MSN: variants seen among roughly 807,000 people sequenced by gnomAD.
MSN encodes the protein epididymis luminal protein 70.
A neutral mutation model predicts 48.0 loss-of-function variants in MSN; 2 were observed. The ratio of observed to expected loss-of-function variants is 0.04; its 90% CI spans 0.02 to 0.13. The LOEUF (loss-of-function observed/expected upper bound fraction) is 0.13. Ranked by LOEUF, MSN falls within the 10% of genes least tolerant of loss-of-function variation. The probability of loss-of-function intolerance (pLI) is 1.00; values close to 1 mark genes in which losing one functional copy is unlikely to be tolerated. For missense variants in MSN, 267 were observed against 470.1 expected (o/e 0.57, Z 3.99); for synonymous variants, 146 against 166.9 (o/e 0.87, Z 0.97).
chrX:65,679,413 A>G (rs768934043), intron 1 of MSN, among the ~76,000 whole-genome samples: 2 of 111,795 alleles, frequency 1.8e-5, no homozygotes, highest in South Asian at 7.5e-4. Flanking sequence ...ATTGTTGACT[A>G]TGTTGCCCTT....
intron 1 of MSN, among the ~76,000 whole-genome samples, chrX:65,671,233 C>G (rs1399353891): frequency 9.2e-6 from 1 of 108,800 alleles, no homozygotes; most frequent in Non-Finnish European, 1.9e-5. Context: ...AGTTGCAAAA[C>G]TAGGACTTGA....
chrX:65,627,548 G>C (rs1011153669), intron 1 of MSN, among the ~76,000 whole-genome samples: 20 of 110,668 alleles, frequency 1.8e-4, no homozygotes, highest in Admixed American at 4.8e-4. Flanking sequence ...GGAATGACCG[G>C]CCCCCATGAT....
chrX:65,677,154 G>A (rs1331193185), intron 1 of MSN, among the ~76,000 whole-genome samples: 1 of 111,326 alleles, frequency 9.0e-6, no homozygotes, highest in Non-Finnish European at 1.9e-5. Context: ...CAGATTCTCA[G>A]CCTGGATGTT....
At chrX:65,639,526 G>C (rs1363184875) in intron 1 of MSN, among the ~76,000 whole-genome samples, 1 of 112,001 alleles carries the variant, frequency 8.9e-6, no homozygotes, top group Non-Finnish European at 1.9e-5. Flanking sequence ...TTGGAGGTTT[G>C]CTGTCTGCCA....
At chrX:65,647,710 G>A (rs2070705290) in intron 1 of MSN, among the ~76,000 whole-genome samples, 1 of 112,305 alleles carries the variant, frequency 8.9e-6, no homozygotes, top group African/African-American at 3.2e-5. Context: ...ATTGGAGGAA[G>A]CATAACACAT....
At chrX:65,663,656 C>T (rs1279019680), upstream of MSN, among the ~76,000 whole-genome samples, 1 of 111,630 alleles carries the variant, frequency 9.0e-6, no homozygotes, top group Non-Finnish European at 1.9e-5. Flanking sequence ...GACACATGGA[C>T]TTGCATGTTC....
intron 1 of MSN, among the ~76,000 whole-genome samples, chrX:65,599,027 C>T (rs1165628959): frequency 9.0e-6 from 1 of 111,330 alleles, no homozygotes; most frequent in African/African-American, 3.3e-5. Flanking sequence ...TGGCTCACGC[C>T]GGTAATCCCG....
chrX:65,644,250 A>C (rs1279912676), intron 1 of MSN, among the ~76,000 whole-genome samples: 1 of 111,725 alleles, frequency 9.0e-6, no homozygotes, highest in African/African-American at 3.3e-5. Context: ...GCTTTCATAT[A>C]TTCTTTCCTT....
chrX:65,726,099 T>C (rs1037054205), intron 2 of MSN, among the ~76,000 whole-genome samples: 1 of 111,496 alleles, frequency 9.0e-6, no homozygotes, highest in Non-Finnish European at 1.9e-5. Flanking sequence ...GGTCGATGAC[T>C]TGGGGGACAT....
intron 1 of MSN, chrX:65,589,064 G>T (rs2070122069): frequency 7.6e-6 from 1 of 131,734 alleles, no homozygotes; most frequent in Non-Finnish European, 1.5e-5. Flanking sequence ...AGTTTCTCCA[G>T]TCAGGTACCT....
At chrX:65,704,712 T>C (rs2071343691) in intron 1 of MSN, among the ~76,000 whole-genome samples, 1 of 110,147 alleles carries the variant, frequency 9.1e-6, no homozygotes, top group Non-Finnish European at 1.9e-5. Flanking sequence ...TATCTACTGT[T>C]TTCTAAATGT....
intron 1 of MSN, among the ~76,000 whole-genome samples, chrX:65,648,889 T>TAAATA (rs1265871890): frequency 9.5e-6 from 1 of 105,223 alleles, no homozygotes; most frequent in Non-Finnish European, 1.9e-5. Flanking sequence ...TAAAATAAAA[T>TAAATA]AAATAAAATA....
chrX:65,632,333 C>T (rs2070565221), intron 1 of MSN, among the ~76,000 whole-genome samples: 1 of 111,669 alleles, frequency 9.0e-6, no homozygotes, highest in South Asian at 3.7e-4. Flanking sequence ...AGGCCCTTGC[C>T]GGATGCTAAC....
At chrX:65,593,777 A>G (rs1436222633) in intron 1 of MSN, among the ~76,000 whole-genome samples, 1 of 112,561 alleles carries the variant, frequency 8.9e-6, no homozygotes, top group African/African-American at 3.2e-5. Flanking sequence ...TCCTGACCTC[A>G]GGTGATCCAC....
chrX:65,688,205 T>A (rs2071135412), intron 1 of MSN, among the ~76,000 whole-genome samples: 1 of 111,974 alleles, frequency 8.9e-6, no homozygotes, highest in African/African-American at 3.2e-5. Context: ...ATTCATCAAC[T>A]CTCTACAGTT....
chrX:65,727,959 C>T, intron 3 of MSN, 50 bp downstream of exon 3: 1 of 1,092,483 alleles, frequency 9.2e-7, no homozygotes, highest in Non-Finnish European at 1.3e-6. Flanking sequence ...TTTTCCAGAA[C>T]ATTCCTGGGA....
At chrX:65,650,776 G>A (rs1466750972) in intron 1 of MSN, among the ~76,000 whole-genome samples, 1 of 112,145 alleles carries the variant, frequency 8.9e-6, no homozygotes, top group Non-Finnish European at 1.9e-5. Flanking sequence ...CAGTTCTGGA[G>A]GTCAGAAGTT....
In MSN at chrX:65,627,313, C is replaced by T. The variant is rs1162047792; in HGVS notation, c.-22+38701C>T. 2.7e-5 allele frequency among the ~76,000 whole-genome samples: 3 copies of T among 110,228 alleles called. No individual in the cohort carries two copies. In the East Asian group the frequency reaches 8.5e-4, roughly 31 times the overall value. On this transcript the variant is annotated intron_variant, in intron 1 of 3. Coordinates refer to the MSN transcript ENST00000609672. ...ATGTATTAATACATATGTATTAGTC[C>T]ATTTTCATGCTGCTGATAAAGACAT...
At chrX:65,707,276 G>T (rs982652126) in intron 1 of MSN, among the ~76,000 whole-genome samples, 2 of 110,846 alleles carry the variant, frequency 1.8e-5, no homozygotes, top group African/African-American at 6.6e-5. Flanking sequence ...GTTTGTTTGT[G>T]CTTAGTGAAG....
Sources: allele counts gnomAD v4.1 joint callset (sites outside exome capture counted in the v4.1 genomes callset), GRCh38; gene constraint gnomAD v4.1.1; transcripts MANE v1.5; gene names NCBI Gene and HGNC (gene_info 2026-07-23, HGNC 2026-07-21).